TCF4: variants seen among roughly 807,000 people sequenced by gnomAD.
TCF4 encodes the protein transcription factor 4, also known as SL3-3 enhancer factor 2.
Under a neutral mutation model 82.1 loss-of-function variants are expected in TCF4, and 3 were observed. That is an observed-to-expected ratio of 0.04 (90% CI 0.02 to 0.09). The LOEUF (loss-of-function observed/expected upper bound fraction) is 0.09. TCF4 is among the 10% of genes least tolerant of loss of function. TCF4 has a pLI of 1.00. For synonymous variants in TCF4, 276 were observed against 309.6 expected, an observed-to-expected ratio of 0.89 and a Z score of 1.14; for missense variants, 518 against 852.7, an observed-to-expected ratio of 0.61 and a Z score of 4.89.
At chr18:55,604,135 TAAC>T (rs1450956825) in intron 2 of TCF4, among the ~76,000 whole-genome samples, 1 of 152,162 alleles carries the variant, frequency 6.6e-6, no homozygotes, top group Non-Finnish European at 1.5e-5. Flanking sequence ...TGCTATATCT[TAAC>T]AACAATGATT....
At chr18:55,586,208 A>AGCAGCG in intron 2 of TCF4, 1 of 862,466 alleles carries the variant, frequency 1.2e-6, no homozygotes, top group Non-Finnish European at 1.6e-6. Context: ...CAGCAGCAGC[A>AGCAGCG]GCAGCAGCAG....
intron 2 of TCF4, among the ~76,000 whole-genome samples, chr18:55,599,204 A>G (rs1378545872): frequency 6.6e-6 from 1 of 152,186 alleles, no homozygotes; most frequent in Non-Finnish European, 1.5e-5. Flanking sequence ...AGATTTTCCA[A>G]GCTTTCTTGG....
chr18:55,631,972 G>C (rs1700346009), intron 1 of TCF4, among the ~76,000 whole-genome samples: 1 of 152,152 alleles, frequency 6.6e-6, no homozygotes, highest in Non-Finnish European at 1.5e-5. Flanking sequence ...TCCTTCTGCA[G>C]TTCCTTCCAT....
chr18:55,302,718 G>C, intron 8 of TCF4: 1 of 1,127,132 alleles, frequency 8.9e-7, no homozygotes, highest in South Asian at 1.6e-5. Flanking sequence ...AGAAGGGGAG[G>C]TGGGACAAGC....
chr18:55,480,276 C>CAAAAAA (rs74180500), intron 3 of TCF4, among the ~76,000 whole-genome samples: 2 of 27,696 alleles, frequency 7.2e-5, no homozygotes, highest in East Asian at 1.5e-3. Flanking sequence ...GTAGGAACTC[C>CAAAAAA]AAAAAAAAAA....
intron 3 of TCF4, among the ~76,000 whole-genome samples, chr18:55,576,548 A>C (rs936208144): frequency 1.3e-5 from 2 of 151,800 alleles, no homozygotes; most frequent in Non-Finnish European, 2.9e-5. Flanking sequence ...TCTTTAATCT[A>C]CCCTTTCCAG....
At chr18:55,419,454 T>C (rs1040872048) in intron 5 of TCF4, among the ~76,000 whole-genome samples, 2 of 152,208 alleles carry the variant, frequency 1.3e-5, no homozygotes, top group Non-Finnish European at 2.9e-5. Context: ...GATAAACAAT[T>C]CTTAAAATAT....
In TCF4 at chr18:55,510,830, G is replaced by A. The variant is rs67387556; in HGVS notation, c.146-46693C>T. Reference sequence around the variant, plus strand: ...GTCAGTAGAAGGGGAAATGATACTGGCTGTGTGTTTATGAGCTACATTAGA... The same window carrying A: ...GTCAGTAGAAGGGGAAATGATACTGACTGTGTGTTTATGAGCTACATTAGA... On this transcript the variant is annotated intron_variant, in intron 3 of 19. Coordinates refer to ENST00000354452, the MANE Select transcript of TCF4 (RefSeq NM_001083962.2). The A allele has an allele frequency of 0.24, 260,756 of 1,068,454 alleles. 32,975 individuals are homozygous for A. Among genetic ancestry groups the A allele is most frequent in the Non-Finnish European group, 0.26 (221,617 of 859,482 alleles). 66.2% of individuals were successfully genotyped at this position (1,068,454 alleles called of 1,614,324 possible). A position where few individuals can be genotyped will look rare whatever the true frequency, so the allele number is the denominator to read the frequency against.
intron 6 of TCF4, among the ~76,000 whole-genome samples, chr18:55,372,751 G>A (rs935211338): frequency 8.6e-5 from 13 of 152,008 alleles, no homozygotes; most frequent in Admixed American, 7.9e-4. Context: ...AATTTAAAAC[G>A]TCAAAAAGGA....
At chr18:55,621,362 C>A (rs1011351525) in intron 2 of TCF4, among the ~76,000 whole-genome samples, 9 of 135,772 alleles carry the variant, frequency 6.6e-5, no homozygotes, top group African/African-American at 2.8e-5. Context: ...AAAAAAGATA[C>A]TTTCTTTAAA....
At chr18:55,343,502 G>A (rs2144515832) in intron 8 of TCF4, among the ~76,000 whole-genome samples, 1 of 152,218 alleles carries the variant, frequency 6.6e-6, no homozygotes, top group Admixed American at 6.5e-5. Context: ...AACCACTTAA[G>A]TAGAATTCTT....
chr18:55,305,688 C>T (rs2070058005), intron 8 of TCF4, among the ~76,000 whole-genome samples: 1 of 152,140 alleles, frequency 6.6e-6, no homozygotes, highest in Non-Finnish European at 1.5e-5. Context: ...GGTGGGTGAT[C>T]TTATTACCAA....
intron 8 of TCF4, among the ~76,000 whole-genome samples, chr18:55,287,485 A>G (rs764658697): frequency 6.6e-6 from 1 of 152,222 alleles, no homozygotes; most frequent in Admixed American, 6.5e-5. Context: ...AACGGTAAGA[A>G]TTTCAGTCCC....
rs3817527 is a variant in TCF4, at chr18:55,261,274, G to A, written c.990+192C>T. The A allele has an allele frequency of 0.075, 51,040 of 681,992 alleles. 3,311 individuals are homozygous for A. Among genetic ancestry groups the A allele is most frequent in the East Asian group, 0.23 (8,758 of 38,598 alleles). 42.2% of individuals were successfully genotyped at this position (681,992 alleles called of 1,614,324 possible). On this transcript the variant is annotated intron_variant, in intron 12 of 19. Coordinates refer to ENST00000354452, the MANE Select transcript of TCF4 (RefSeq NM_001083962.2). ...CAGCTTAGTACCATTTTGAGGATGA[G>A]AGAAAGAGACTATATACTGGAAGCT...
intron 3 of TCF4, among the ~76,000 whole-genome samples, chr18:55,570,985 T>C (rs1397819825): frequency 6.6e-6 from 1 of 150,594 alleles, no homozygotes; most frequent in Non-Finnish European, 1.5e-5. Context: ...CAGGTGGGAG[T>C]GCAGATCAGT....
chr18:55,350,735 TC>T, intron 7 of TCF4, 138 bp downstream of exon 7: 1 of 1,203,370 alleles, frequency 8.3e-7, no homozygotes, highest in Non-Finnish European at 1.2e-6. Context: ...GGGGGAAGTC[TC>T]CAGGCTGACA....
intron 6 of TCF4, among the ~76,000 whole-genome samples, chr18:55,356,591 T>TA (rs1320219819): frequency 1.3e-5 from 2 of 152,196 alleles, no homozygotes; most frequent in Non-Finnish European, 2.9e-5. Context: ...AGAAATGTGT[T>TA]ATATGCGATA....
chr18:55,300,133 T>C (rs1276946984), intron 8 of TCF4, among the ~76,000 whole-genome samples: 2 of 151,328 alleles, frequency 1.3e-5, no homozygotes, highest in African/African-American at 4.9e-5. Flanking sequence ...CACCCCACAT[T>C]AATCTCTATT....
intron 6 of TCF4, among the ~76,000 whole-genome samples, chr18:55,381,618 G>A (rs1446365974): frequency 2.6e-5 from 4 of 152,206 alleles, no homozygotes; most frequent in South Asian, 2.1e-4. Flanking sequence ...GAAGACAAGT[G>A]TAGCATTCAG....
Sources: allele counts gnomAD v4.1 joint callset (sites outside exome capture counted in the v4.1 genomes callset), GRCh38; gene constraint gnomAD v4.1.1; transcripts MANE v1.5; gene names NCBI Gene and HGNC (gene_info 2026-07-23, HGNC 2026-07-21).